NEGR1: variants seen among roughly 807,000 people sequenced by gnomAD.
The protein encoded by NEGR1 is neuronal growth regulator 1, also known as IgLON family member 4.
Under a neutral mutation model 40.9 loss-of-function variants are expected in NEGR1, and 10 were observed. The observed-to-expected ratio is 0.24, with a 90% CI of 0.15 to 0.42. The LOEUF (loss-of-function observed/expected upper bound fraction) is 0.42, where lower values mean the gene tolerates loss of function less well. Ranked by LOEUF, NEGR1 falls within the 10% of genes least tolerant of loss-of-function variation. The pLI is 1.00. For synonymous variants in NEGR1, 185 were observed against 166.8 expected (o/e 1.11, Z -0.84); for missense variants, 352 against 438.9 (o/e 0.80, Z 1.77).
intron 4 of NEGR1, among the ~76,000 whole-genome samples, chr1:71,683,812 AT>A (rs1652923479): frequency 7.4e-6 from 1 of 135,584 alleles, no homozygotes; most frequent in Admixed American, 7.4e-5. Context: ...TTGGGATCTT[AT>A]TTTTGTGTTT....
chr1:71,459,016 T>A lies in NEGR1; in HGVS notation c.941-51446A>T, dbSNP rs1172605247. Among the ~76,000 whole-genome samples, 4 of 152,108 alleles carry A rather than the reference T, an allele frequency of 2.6e-5. No homozygotes were observed. The East Asian group carries it at 7.7e-4, about 29-fold the overall frequency. The stretch of plus-strand genomic sequence containing the variant: ...CAGAGTTTGAGCTTCAAGTTCTTTA[T>A]CAGTTCTGGCCATTAAATAAATAAA... On this transcript the variant is annotated intron_variant, in intron 6 of 6. Coordinates refer to ENST00000357731, the MANE Select transcript of NEGR1 (RefSeq NM_173808.3).
chr1:71,845,975 G>T (rs577654851), intron 2 of NEGR1, among the ~76,000 whole-genome samples: 16 of 133,862 alleles, frequency 1.2e-4, no homozygotes, highest in African/African-American at 4.2e-4. Context: ...TGTTGTCCAT[G>T]CTGGTCTCAA....
At chr1:71,543,789 T>C (rs1439392572) in intron 6 of NEGR1, among the ~76,000 whole-genome samples, 1 of 151,736 alleles carries the variant, frequency 6.6e-6, no homozygotes, top group African/African-American at 2.4e-5. Flanking sequence ...ATCTCAGTTA[T>C]GACCAAGTCT....
intron 1 of NEGR1, among the ~76,000 whole-genome samples, chr1:72,033,245 C>G (rs1355749484): frequency 2.0e-5 from 3 of 152,094 alleles, no homozygotes; most frequent in African/African-American, 7.2e-5. Context: ...ATAAAAGGAA[C>G]AGCAGTATTT....
intron 6 of NEGR1, among the ~76,000 whole-genome samples, chr1:71,588,345 T>C (rs1165465563): frequency 6.6e-6 from 1 of 152,174 alleles, no homozygotes; most frequent in Non-Finnish European, 1.5e-5. Flanking sequence ...TCATCCATTA[T>C]AAATTTTGTT....
At chr1:71,828,899 A>G (rs1658738312) in intron 2 of NEGR1, among the ~76,000 whole-genome samples, 1 of 151,962 alleles carries the variant, frequency 6.6e-6, no homozygotes. Flanking sequence ...GCCATGAGAC[A>G]AGGCTGAGGG....
intron 2 of NEGR1, among the ~76,000 whole-genome samples, chr1:71,833,110 T>A (rs1398406661): frequency 1.3e-5 from 2 of 151,882 alleles, no homozygotes; most frequent in Non-Finnish European, 2.9e-5. Context: ...TAAGGAAAAA[T>A]TACGTTTTCT....
chr1:71,689,676 T>TTAATCTTCATATATAATCTGTA (rs1435724607), intron 4 of NEGR1, among the ~76,000 whole-genome samples: 3 of 152,034 alleles, frequency 2.0e-5, no homozygotes, highest in Non-Finnish European at 4.4e-5. Context: ...AAATTCATTA[T>TTAATCTTCATATATAATCTGTA]TAATCTTCAT....
At chr1:72,083,346 T>C (rs1296942857) in intron 1 of NEGR1, among the ~76,000 whole-genome samples, 2 of 151,936 alleles carry the variant, frequency 1.3e-5, no homozygotes, top group African/African-American at 4.8e-5. Flanking sequence ...TCCTTTCCTT[T>C]AGTCTTTTTC....
intron 1 of NEGR1, among the ~76,000 whole-genome samples, chr1:72,177,490 C>T (rs1477020143): frequency 2.0e-5 from 3 of 151,928 alleles, no homozygotes; most frequent in African/African-American, 7.2e-5. Flanking sequence ...CATCATTGTA[C>T]ATATACAATT....
chr1:71,548,372 C>A (rs951464176), intron 6 of NEGR1, among the ~76,000 whole-genome samples: 1 of 151,526 alleles, frequency 6.6e-6, no homozygotes, highest in Non-Finnish European at 1.5e-5. Context: ...AGTGAGGCAC[C>A]CTCCATGCTG....
chr1:72,088,765 A>AAC (rs1421893125), intron 1 of NEGR1, among the ~76,000 whole-genome samples: 2 of 150,856 alleles, frequency 1.3e-5, no homozygotes, highest in Non-Finnish European at 3.0e-5. Context: ...ATAAGACTGT[A>AAC]AAACAATGTA....
At chr1:71,648,190 A>G (rs1215555025) in intron 4 of NEGR1, among the ~76,000 whole-genome samples, 1 of 152,030 alleles carries the variant, frequency 6.6e-6, no homozygotes, top group African/African-American at 2.4e-5. Context: ...AATTTTGCTC[A>G]GAAAATTCAA....
chr1:71,776,004 A>G (rs1428660014), intron 3 of NEGR1, among the ~76,000 whole-genome samples, 168 bp downstream of exon 3: 1 of 148,464 alleles, frequency 6.7e-6, no homozygotes, highest in African/African-American at 2.5e-5. Context: ...AAAATAAATA[A>G]ATAAATAAAT....
At chr1:71,439,123 C>G (rs17091219) in intron 6 of NEGR1, among the ~76,000 whole-genome samples, 4,216 of 152,204 alleles carry the variant, frequency 0.028, 78 homozygotes, top group Non-Finnish European at 0.036. Context: ...CACTTTCTAT[C>G]ACTATTTTTA....
chr1:71,646,729 G>A (rs1317611715), intron 4 of NEGR1, among the ~76,000 whole-genome samples: 1 of 151,786 alleles, frequency 6.6e-6, no homozygotes, highest in Non-Finnish European at 1.5e-5. Context: ...AATAATAATA[G>A]ATAAGTCTCA....
intron 6 of NEGR1, among the ~76,000 whole-genome samples, chr1:71,561,796 C>T (rs1648465681): frequency 6.6e-6 from 1 of 151,594 alleles, no homozygotes; most frequent in Non-Finnish European, 1.5e-5. Context: ...TTAGTATCTG[C>T]TCTGCCTGCA....
intron 1 of NEGR1, among the ~76,000 whole-genome samples, chr1:71,979,330 A>G (rs1646335021): frequency 6.6e-6 from 1 of 152,152 alleles, no homozygotes; most frequent in Non-Finnish European, 1.5e-5. Context: ...CTACATAACA[A>G]ACCAGCATAT....
chr1:71,466,096 C>T (rs1646743787), intron 6 of NEGR1, among the ~76,000 whole-genome samples: 1 of 151,942 alleles, frequency 6.6e-6, no homozygotes, highest in African/African-American at 2.4e-5. Flanking sequence ...TAGCAGCCCC[C>T]TCACCTGCAA....
Sources: gnomAD v4.1 joint callset for allele counts (sites outside exome capture counted in the v4.1 genomes callset) on GRCh38, gnomAD v4.1.1 for gene constraint, MANE v1.5 for transcripts, NCBI Gene and HGNC (gene_info 2026-07-23, HGNC 2026-07-21) for gene names.